CFAP95: variants seen among roughly 807,000 people sequenced by gnomAD.
CFAP95 encodes the protein cilia- and flagella-associated protein 95.
the CFAP95 span, among the ~76,000 whole-genome samples, chr9:69,862,056 T>C: frequency 6.6e-6 from 1 of 152,218 alleles, no homozygotes; most frequent in African/African-American, 2.4e-5. Flanking sequence ...TTCAATGCTC[T>C]GAAGGGAAAG....
chr9:69,872,497 T>G, the CFAP95 span, among the ~76,000 whole-genome samples: 1 of 152,302 alleles, frequency 6.6e-6, no homozygotes, highest in Admixed American at 6.5e-5. Context: ...ACTGCTTAGT[T>G]GCAAAGCAGA....
chr9:69,868,126 AT>A, the CFAP95 span, among the ~76,000 whole-genome samples: 158 of 152,288 alleles, frequency 1.0e-3, no homozygotes, highest in African/African-American at 3.7e-3. Context: ...AGCAGTTCAA[AT>A]TGTGGGGACT....
chr9:69,903,645 G>A, the CFAP95 span, among the ~76,000 whole-genome samples: 1 of 152,238 alleles, frequency 6.6e-6, no homozygotes, highest in African/African-American at 2.4e-5. Context: ...ACAGCACTGA[G>A]AATGAGAGGA....
the CFAP95 span, among the ~76,000 whole-genome samples, chr9:69,839,662 AG>A: frequency 6.6e-6 from 1 of 150,450 alleles, no homozygotes; most frequent in Non-Finnish European, 1.5e-5. Flanking sequence ...CCTGACCTCA[AG>A]TGATCCGCCT....
the CFAP95 span, among the ~76,000 whole-genome samples, chr9:69,898,152 T>C: frequency 9.2e-5 from 14 of 152,300 alleles, no homozygotes; most frequent in Middle Eastern, 6.8e-3. Context: ...TAGAGGTTAA[T>C]TGACATTGTT....
chr9:69,899,442 A>C, the CFAP95 span, among the ~76,000 whole-genome samples: 17 of 152,354 alleles, frequency 1.1e-4, no homozygotes, highest in South Asian at 3.5e-3. Context: ...CATAATTTAA[A>C]TAGTTCTGCT....
At chr9:69,835,302 G>C in the CFAP95 span, among the ~76,000 whole-genome samples, 20 of 152,206 alleles carry the variant, frequency 1.3e-4, no homozygotes, top group Admixed American at 1.0e-3. Flanking sequence ...AAAGAAAAGT[G>C]TGTCTCTTGT....
At chr9:69,828,703 A>G in the CFAP95 span, among the ~76,000 whole-genome samples, 10 of 152,328 alleles carry the variant, frequency 6.6e-5, no homozygotes, top group Admixed American at 1.3e-4. Flanking sequence ...AAAATAAAAT[A>G]AAATAAAATA....
the CFAP95 span, among the ~76,000 whole-genome samples, chr9:69,899,653 CTG>C: frequency 6.6e-6 from 1 of 152,246 alleles, no homozygotes; most frequent in South Asian, 2.1e-4. Flanking sequence ...GAATGACCCA[CTG>C]TGGCTAAAAT....
the CFAP95 span, among the ~76,000 whole-genome samples, chr9:69,885,761 G>A: frequency 2.0e-5 from 3 of 152,082 alleles, no homozygotes; most frequent in Non-Finnish European, 4.4e-5. Flanking sequence ...AAAGAATGTG[G>A]GTCAAAAAGT....
chr9:69,834,457 A>G, the CFAP95 span, among the ~76,000 whole-genome samples: 10 of 152,296 alleles, frequency 6.6e-5, no homozygotes, highest in East Asian at 1.7e-3. Context: ...GGGATTATCA[A>G]TTGCAGTGTT....
At chr9:69,856,690 TC>T in the CFAP95 span, 2 of 1,563,130 alleles carry the variant, frequency 1.3e-6, no homozygotes, top group Non-Finnish European at 1.8e-6. Flanking sequence ...TTAATACTTT[TC>T]TTTACTTTAT....
chr9:69,843,615 CT>C, the CFAP95 span, among the ~76,000 whole-genome samples: 7 of 71,202 alleles, frequency 9.8e-5, no homozygotes, highest in African/African-American at 5.2e-4. Flanking sequence ...TCTTCTTCTT[CT>C]TCTTCTTCTT....
the CFAP95 span, among the ~76,000 whole-genome samples, chr9:69,855,045 C>A: frequency 6.6e-6 from 1 of 152,158 alleles, no homozygotes; most frequent in East Asian, 1.9e-4. Context: ...TCATTAAATT[C>A]TCCTCAGTTC....
At chr9:69,883,610 TG>T in the CFAP95 span, among the ~76,000 whole-genome samples, 2 of 152,188 alleles carry the variant, frequency 1.3e-5, no homozygotes, top group Admixed American at 1.3e-4. Flanking sequence ...GGTTCAGTCT[TG>T]GTAGGTTGTA....
chr9:69,863,728 A>G, the CFAP95 span, among the ~76,000 whole-genome samples: 3 of 152,136 alleles, frequency 2.0e-5, no homozygotes, highest in African/African-American at 7.2e-5. Flanking sequence ...AACAACCAGA[A>G]CTGTATCAAG....
the CFAP95 span, among the ~76,000 whole-genome samples, chr9:69,831,102 G>A: frequency 1.3e-5 from 2 of 152,020 alleles, no homozygotes; most frequent in Admixed American, 6.6e-5. Context: ...TTAACAAAGA[G>A]AATTAATTGC....
the CFAP95 span, among the ~76,000 whole-genome samples, chr9:69,864,217 A>G: frequency 5.9e-5 from 9 of 152,350 alleles, no homozygotes; most frequent in African/African-American, 2.2e-4. Context: ...TCAACAATTC[A>G]TCCAAACATT....
At chr9:69,895,365 CTCTCTGTG>C in the CFAP95 span, among the ~76,000 whole-genome samples, 2 of 108,092 alleles carry the variant, frequency 1.9e-5, no homozygotes, top group Non-Finnish European at 3.8e-5. Flanking sequence ...CTCTCTCTCT[CTCTCTGTG>C]TGTGTGTGTG....
Sources: allele counts gnomAD v4.1 joint callset (sites outside exome capture counted in the v4.1 genomes callset), GRCh38; gene constraint gnomAD v4.1.1; transcripts MANE v1.5; gene names NCBI Gene and HGNC (gene_info 2026-07-23, HGNC 2026-07-21).